Variants in BTBD9 observed in about 807,000 individuals in gnomAD.
BTBD9 encodes the protein BTB domain containing 9.
Under a neutral mutation model 64.3 loss-of-function variants are expected in BTBD9, and 49 were observed. That is an observed-to-expected ratio of 0.76 (90% CI 0.61 to 0.97). BTBD9 has a LOEUF of 0.97. Among genes scored for constraint, BTBD9 ranks in the 50% least tolerant of loss-of-function variants. BTBD9 has a pLI of 0.00. For missense variants in BTBD9, 598 were observed against 762.1 expected, an observed-to-expected ratio of 0.78 and a Z score of 2.53; for synonymous variants, 260 against 274.7, an observed-to-expected ratio of 0.95 and a Z score of 0.53.
At chr6:38,269,565 G>A (rs1765129007) in intron 8 of BTBD9, among the ~76,000 whole-genome samples, 1 of 151,914 alleles carries the variant, frequency 6.6e-6, no homozygotes, top group Admixed American at 6.6e-5. Flanking sequence ...AACTGGTGTG[G>A]GTCATAGGAC....
intron 6 of BTBD9, among the ~76,000 whole-genome samples, chr6:38,408,352 TAAACA>T (rs766246130): frequency 5.9e-5 from 7 of 117,654 alleles, no homozygotes; most frequent in African/African-American, 1.4e-4. Flanking sequence ...ACCCTGTCTC[TAAACA>T]AAACAAAACA....
chr6:38,419,064 G>C (rs924333838), intron 6 of BTBD9, among the ~76,000 whole-genome samples: 1 of 152,204 alleles, frequency 6.6e-6, no homozygotes. Flanking sequence ...AGCAAGACAG[G>C]CAGGCTAAAG....
At chr6:38,394,441 GA>G (rs1423805494) in intron 6 of BTBD9, among the ~76,000 whole-genome samples, 2 of 152,108 alleles carry the variant, frequency 1.3e-5, no homozygotes, top group Non-Finnish European at 2.9e-5. Flanking sequence ...TTTGTGGCAA[GA>G]AAGAACAATA....
chr6:38,374,306 T>TATATATATACAC (rs1491240635), intron 6 of BTBD9, among the ~76,000 whole-genome samples: 3 of 84,640 alleles, frequency 3.5e-5, no homozygotes, highest in Non-Finnish European at 4.3e-5. Flanking sequence ...TGTATATATA[T>TATATATATACAC]GTATATATAT....
intron 6 of BTBD9, among the ~76,000 whole-genome samples, chr6:38,450,092 A>G (rs1769453768): frequency 2.0e-5 from 3 of 152,246 alleles, no homozygotes; most frequent in African/African-American, 7.2e-5. Flanking sequence ...CTATTCAGCC[A>G]TAAAAAGAAG....
At chr6:38,578,090 C>T (rs997042434) in intron 5 of BTBD9, among the ~76,000 whole-genome samples, 38 of 152,038 alleles carry the variant, frequency 2.5e-4, no homozygotes, top group Non-Finnish European at 4.7e-4. Flanking sequence ...AATGATGCCA[C>T]GAGAGAGAGA....
intron 6 of BTBD9, among the ~76,000 whole-genome samples, chr6:38,550,602 C>A (rs1056661005): frequency 6.6e-6 from 1 of 152,174 alleles, no homozygotes; most frequent in Non-Finnish European, 1.5e-5. Flanking sequence ...AGGCATGAGC[C>A]ACCGTGCCCA....
chr6:38,379,142 C>T (rs1055627234), intron 6 of BTBD9, among the ~76,000 whole-genome samples: 11 of 152,084 alleles, frequency 7.2e-5, no homozygotes, highest in African/African-American at 2.7e-4. Flanking sequence ...CACATGTAGG[C>T]TTGGGGAAAG....
At chr6:38,343,384 T>C (rs1009682056) in intron 7 of BTBD9, among the ~76,000 whole-genome samples, 2 of 152,200 alleles carry the variant, frequency 1.3e-5, no homozygotes, top group Admixed American at 6.5e-5. Flanking sequence ...CTGATGTAGA[T>C]GGTACCTTCC....
chr6:38,479,701 T>C (rs1771045113), intron 6 of BTBD9, among the ~76,000 whole-genome samples: 1 of 152,162 alleles, frequency 6.6e-6, no homozygotes, highest in Non-Finnish European at 1.5e-5. Context: ...AGCCTCAAGT[T>C]ATAGGGGGCA....
chr6:38,349,668 C>G (rs997214655), intron 6 of BTBD9, among the ~76,000 whole-genome samples: 9 of 152,052 alleles, frequency 5.9e-5, no homozygotes, highest in African/African-American at 9.7e-5. Flanking sequence ...TAGTTTCAGG[C>G]ATCCACTGAA....
At chr6:38,305,277 G>A (rs1232098238) in intron 7 of BTBD9, among the ~76,000 whole-genome samples, 2 of 152,120 alleles carry the variant, frequency 1.3e-5, no homozygotes, top group African/African-American at 4.8e-5. Flanking sequence ...TATGCCCATG[G>A]TAGAAGAGTT....
chr6:38,320,115 C>T (rs148815846), intron 7 of BTBD9, among the ~76,000 whole-genome samples: 23 of 152,324 alleles, frequency 1.5e-4, no homozygotes, highest in African/African-American at 3.1e-4. Flanking sequence ...CCCAAATGCA[C>T]GGATTCTCTC....
intron 8 of BTBD9, among the ~76,000 whole-genome samples, chr6:38,277,194 T>C (rs1582153171): frequency 6.6e-6 from 1 of 152,196 alleles, no homozygotes; most frequent in Admixed American, 6.5e-5. Context: ...AAAGCCAGTA[T>C]ATTAAGTGTT....
intron 6 of BTBD9, among the ~76,000 whole-genome samples, chr6:38,415,082 A>T (rs147346568): frequency 4.6e-4 from 70 of 152,138 alleles, no homozygotes; most frequent in African/African-American, 1.7e-3. Context: ...TAACGTAGCA[A>T]ATGGCATCAT....
Position 38,174,747 on chromosome 6 carries a change from T to C in BTBD9, c.*238A>G, listed in dbSNP as rs942477353. The C allele has an allele frequency of 3.7e-6, 2 of 546,458 alleles. No homozygotes were observed. Among genetic ancestry groups the C allele is most frequent in the South Asian group, 2.6e-5 (1 of 38,306 alleles). The allele number at this position is 546,458 out of a possible 1,614,324, so 33.9% of individuals were successfully genotyped here. On this transcript the variant is annotated 3_prime_UTR_variant, in exon 11 of 11. Transcript: ENST00000481247. ...GTGTTAATGGTGGACTTGATGAAGA[T>C]TGAAGACCCATTTTCTCCCCCTTGA...
At chr6:38,412,556 T>C (rs1437162027) in intron 6 of BTBD9, among the ~76,000 whole-genome samples, 1 of 147,602 alleles carries the variant, frequency 6.8e-6, no homozygotes, top group Non-Finnish European at 1.5e-5. Flanking sequence ...TTGGACTACA[T>C]TAAAAAAAAA....
chr6:38,534,741 C>T (rs1773947157), intron 6 of BTBD9, among the ~76,000 whole-genome samples: 1 of 152,032 alleles, frequency 6.6e-6, no homozygotes, highest in African/African-American at 2.4e-5. Context: ...CAATGTGATA[C>T]ATCATATCAA....
chr6:38,502,087 C>CCTAGAGA lies in BTBD9; in HGVS notation c.1154+75512_1154+75513insTCTCTAG, dbSNP rs1772229122. On this transcript the variant is annotated intron_variant, in intron 6 of 10. Coordinates refer to ENST00000481247, the MANE Select transcript of BTBD9 (RefSeq NM_001099272.2). Reference sequence around the variant, plus strand: ...AAGCTGGTTTCTATTGTCAAGAACTCTGCTAATCCCTAGAGATGCTGATGC... The same window carrying CCTAGAGA: ...AAGCTGGTTTCTATTGTCAAGAACTCCTAGAGATGCTAATCCCTAGAGATGCTGATGC... Among the ~76,000 whole-genome samples, 4 of 152,266 alleles carry CCTAGAGA rather than the reference C, an allele frequency of 2.6e-5. No individual in the cohort carries two copies. The South Asian group carries it at 8.3e-4, about 32-fold the overall frequency.
Sources: allele counts gnomAD v4.1 joint callset (sites outside exome capture counted in the v4.1 genomes callset), GRCh38; gene constraint gnomAD v4.1.1; transcripts MANE v1.5; gene names NCBI Gene and HGNC (gene_info 2026-07-23, HGNC 2026-07-21).